MYRIP: variants seen among roughly 807,000 people sequenced by gnomAD.
The protein encoded by MYRIP is myosin VIIA and Rab interacting protein, also known as rab effector MyRIP.
Under a neutral mutation model 98.0 loss-of-function variants are expected in MYRIP, and 49 were observed. The ratio of observed to expected loss-of-function variants is 0.50; its 90% CI spans 0.40 to 0.63. The LOEUF (loss-of-function observed/expected upper bound fraction) is 0.63, where lower values mean the gene tolerates loss of function less well. Among genes scored for constraint, MYRIP ranks in the 30% least tolerant of loss-of-function variants. The probability of loss-of-function intolerance (pLI) is 0.00; values close to 1 mark genes in which losing one functional copy is unlikely to be tolerated. For synonymous variants in MYRIP, 404 were observed against 409.5 expected (o/e 0.99, Z 0.16); for missense variants, 1,004 against 1,058.2 (o/e 0.95, Z 0.71).
chr3:40,108,285 A>T (rs531540471), intron 3 of MYRIP, among the ~76,000 whole-genome samples: 49 of 55,820 alleles, frequency 8.8e-4, no homozygotes, highest in Non-Finnish European at 1.8e-3. Context: ...AAAAAGACAG[A>T]GTTTATAATT....
chr3:39,940,934 T>G (rs1203188434), intron 2 of MYRIP, among the ~76,000 whole-genome samples: 1 of 152,184 alleles, frequency 6.6e-6, no homozygotes, highest in African/African-American at 2.4e-5. Context: ...TTCTTACATA[T>G]TCAGCATTTT....
At chr3:40,204,482 A>C (rs1951742581) in intron 10 of MYRIP, among the ~76,000 whole-genome samples, 1 of 151,330 alleles carries the variant, frequency 6.6e-6, no homozygotes, top group African/African-American at 2.4e-5. Context: ...ACGCCTGGCC[A>C]CACACTACAT....
chr3:40,074,672 G>A (rs1948304779), intron 3 of MYRIP, among the ~76,000 whole-genome samples: 1 of 152,092 alleles, frequency 6.6e-6, no homozygotes, highest in Admixed American at 6.6e-5. Context: ...AAGCTCAAGA[G>A]AATGAGAAGA....
chr3:40,222,013 A>C (rs1952350782), intron 11 of MYRIP, among the ~76,000 whole-genome samples: 1 of 152,186 alleles, frequency 6.6e-6, no homozygotes, highest in Admixed American at 6.5e-5. Context: ...GGTGAGCCCC[A>C]AAATTAGGGC....
intron 1 of MYRIP, among the ~76,000 whole-genome samples, chr3:39,817,991 A>G (rs1447920642): frequency 2.0e-5 from 3 of 152,190 alleles, no homozygotes; most frequent in Admixed American, 6.5e-5. Context: ...ATGATACTTT[A>G]AAAAACTTAA....
chr3:40,257,475 G>A (rs1488847582), intron 16 of MYRIP, among the ~76,000 whole-genome samples: 1 of 152,122 alleles, frequency 6.6e-6, no homozygotes, highest in Admixed American at 6.5e-5. Context: ...TGAGCAGTAG[G>A]ATATAAATAA....
intron 2 of MYRIP, among the ~76,000 whole-genome samples, chr3:39,921,738 G>A (rs1447311622): frequency 2.6e-5 from 4 of 151,928 alleles, no homozygotes; most frequent in East Asian, 1.9e-4. Flanking sequence ...AAAATTAGCC[G>A]GGTGTGGTGG....
chr3:40,127,713 A>G (rs1438957125), intron 3 of MYRIP, among the ~76,000 whole-genome samples: 1 of 152,168 alleles, frequency 6.6e-6, no homozygotes, highest in Non-Finnish European at 1.5e-5. Context: ...CAACTTGGCC[A>G]ATGTCAGCCT....
At chr3:40,096,711 G>A (rs1413525379) in intron 3 of MYRIP, among the ~76,000 whole-genome samples, 2 of 152,202 alleles carry the variant, frequency 1.3e-5, no homozygotes, top group Non-Finnish European at 2.9e-5. Context: ...GTCTAGCCTG[G>A]CAGATTCCAC....
intron 13 of MYRIP, among the ~76,000 whole-genome samples, chr3:40,247,609 C>T (rs751817483): frequency 3.3e-4 from 50 of 152,164 alleles, no homozygotes; most frequent in Admixed American, 2.6e-3. Flanking sequence ...CTGCAACCTC[C>T]GCCTCCTGGG....
At chr3:39,876,973 G>T (rs892568341) in intron 1 of MYRIP, among the ~76,000 whole-genome samples, 1 of 152,228 alleles carries the variant, frequency 6.6e-6, no homozygotes, top group African/African-American at 2.4e-5. Context: ...TCGCTTTCAG[G>T]TACACCAATC....
intron 3 of MYRIP, among the ~76,000 whole-genome samples, chr3:40,087,050 C>T (rs921877255): frequency 9.2e-5 from 14 of 152,002 alleles, no homozygotes; most frequent in Admixed American, 2.0e-4. Context: ...GCCACTGCTA[C>T]GTGGGCGAAC....
chr3:39,878,144 C>T (rs552370397), intron 1 of MYRIP, among the ~76,000 whole-genome samples: 11 of 151,232 alleles, frequency 7.3e-5, no homozygotes, highest in South Asian at 2.1e-4. Context: ...TAGGACCCTC[C>T]GAGCCATATG....
chr3:40,028,853 G>A (rs1288265777), intron 2 of MYRIP, among the ~76,000 whole-genome samples: 6 of 152,146 alleles, frequency 3.9e-5, no homozygotes, highest in Non-Finnish European at 7.4e-5. Context: ...TCTAATAAGT[G>A]AGAGATGGTC....
chr3:40,100,193 A>G (rs1057023302), intron 3 of MYRIP: 2 of 985,336 alleles, frequency 2.0e-6, no homozygotes, highest in African/African-American at 3.5e-5. Context: ...TTATTTCTCA[A>G]GACACGTGAG....
intron 11 of MYRIP, among the ~76,000 whole-genome samples, chr3:40,214,008 A>G (rs1357804215): frequency 6.6e-6 from 1 of 152,094 alleles, no homozygotes; most frequent in Non-Finnish European, 1.5e-5. Flanking sequence ...AGTCTTCTCT[A>G]CAGACTCTGT....
chr3:40,128,508 A>G (rs529738595), intron 3 of MYRIP, among the ~76,000 whole-genome samples: 1 of 152,258 alleles, frequency 6.6e-6, no homozygotes, highest in East Asian at 1.9e-4. Flanking sequence ...ATTTAACCCA[A>G]AACTCAGGGC....
rs560586782 is a variant in MYRIP at position 39,850,574 on chromosome 3, A to C, written c.-31+40658A>C. ...GGAATGTAAATATTCTCCTTAAAAAAATCTACTATTAGTTGTCTTAATCCC... is the reference window on the plus strand; with the variant it reads ...GGAATGTAAATATTCTCCTTAAAAACATCTACTATTAGTTGTCTTAATCCC... On this transcript the variant is annotated intron_variant, in intron 1 of 16. Transcript: ENST00000302541. Among the ~76,000 whole-genome samples, 85 of 152,372 alleles carry C rather than the reference A, an allele frequency of 5.6e-4. No individual in the cohort carries two copies. In the East Asian group the frequency reaches 0.012, roughly 21 times the overall value.
At chr3:39,954,668 T>C (rs113563093) in intron 2 of MYRIP, among the ~76,000 whole-genome samples, 1,654 of 152,206 alleles carry the variant, frequency 0.011, 40 homozygotes, top group African/African-American at 0.037. Context: ...GGACGGGGAA[T>C]GCTTCTGACG....
Sources: allele counts gnomAD v4.1 joint callset (sites outside exome capture counted in the v4.1 genomes callset), GRCh38; gene constraint gnomAD v4.1.1; transcripts MANE v1.5; gene names NCBI Gene and HGNC (gene_info 2026-07-23, HGNC 2026-07-21).